BNC2: variants seen among roughly 807,000 people sequenced by gnomAD.
The protein encoded by BNC2 is basonuclin zinc finger protein 2.
Under a neutral mutation model 76.3 loss-of-function variants are expected in BNC2, and 20 were observed. The ratio of observed to expected loss-of-function variants is 0.26; its 90% CI spans 0.18 to 0.38. BNC2 has a LOEUF of 0.38. BNC2 is among the 10% of genes least tolerant of loss of function. The pLI is 1.00. For missense variants in BNC2, 1,382 were observed against 1,399.8 expected (o/e 0.99, Z 0.20); for synonymous variants, 582 against 514.8 (o/e 1.13, Z -1.77).
rs116130650 is a variant in BNC2, at chr9:16,464,528, G to A, written c.670-27004C>T. 3.6e-3 allele frequency among the ~76,000 whole-genome samples: 541 copies of A among 152,238 alleles called. 4 individuals carry two copies. The highest frequency in any genetic ancestry group is 0.012 in the African/African-American group (512 of 41,538). On this transcript the variant is annotated intron_variant, in intron 5 of 6. Transcript: ENST00000380672. ...TGAAGACAAAGAACAAAGACAGGGAGGGGCATCTCTTTGCAGACTGATAAG... is the reference window on the plus strand; with the variant it reads ...TGAAGACAAAGAACAAAGACAGGGAAGGGCATCTCTTTGCAGACTGATAAG...
At chr9:16,515,419 C>G (rs1822853709) in intron 5 of BNC2, among the ~76,000 whole-genome samples, 1 of 152,156 alleles carries the variant, frequency 6.6e-6, no homozygotes, top group African/African-American at 2.4e-5. Context: ...CTGGCATTAG[C>G]GGAGCTTGGC....
chr9:16,484,335 C>T lies in BNC2; in HGVS notation c.670-46811G>A, dbSNP rs111596472. On this transcript the variant is annotated intron_variant, in intron 5 of 6. Coordinates refer to ENST00000380672, the MANE Select transcript of BNC2 (RefSeq NM_017637.6). ...ATGTACAGCCAGAGAGTGCTCGAGG[C>T]GAAGATGCCACCCCAGCCTTACATC... 5.9e-5 allele frequency among the ~76,000 whole-genome samples: 9 copies of T among 152,240 alleles called. 2 individuals are homozygous for T. Among genetic ancestry groups the T allele is most frequent in the African/African-American group, 1.9e-4 (8 of 41,538 alleles).
At chr9:16,743,776 G>A (rs541935912) in intron 1 of BNC2, among the ~76,000 whole-genome samples, 26 of 152,300 alleles carry the variant, frequency 1.7e-4, no homozygotes, top group African/African-American at 6.3e-4. Flanking sequence ...AGATGGACTG[G>A]CTCCTTTTTT....
intron 5 of BNC2, among the ~76,000 whole-genome samples, chr9:16,472,281 G>C (rs73645983): frequency 0.023 from 3,558 of 152,270 alleles, 102 homozygotes; most frequent in African/African-American, 0.066. Context: ...CACTTCCTAG[G>C]AGAAAGAGGG....
At chr9:16,432,547 GAA>G (rs1820928135) in intron 6 of BNC2, among the ~76,000 whole-genome samples, 1 of 152,204 alleles carries the variant, frequency 6.6e-6, no homozygotes, top group Admixed American at 6.5e-5. Flanking sequence ...TTCGAATCAT[GAA>G]GAAGTCTGCT....
intron 1 of BNC2, among the ~76,000 whole-genome samples, chr9:16,817,794 C>CA (rs1563957013): frequency 6.6e-6 from 1 of 152,094 alleles, no homozygotes; most frequent in Non-Finnish European, 1.5e-5. Flanking sequence ...CAGTGTGTGC[C>CA]AGGCACTGCT....
intron 3 of BNC2, among the ~76,000 whole-genome samples, chr9:16,588,859 A>C (rs563588023): frequency 6.6e-6 from 1 of 152,322 alleles, no homozygotes; most frequent in African/African-American, 2.4e-5. Context: ...AGGAAAGCAC[A>C]AATTGTTGTT....
At chr9:16,853,526 T>A (rs1250396515) in intron 1 of BNC2, among the ~76,000 whole-genome samples, 1 of 152,124 alleles carries the variant, frequency 6.6e-6, no homozygotes, top group Non-Finnish European at 1.5e-5. Flanking sequence ...CTCCATTCTC[T>A]CCAACACCTC....
At chr9:16,728,866 A>G (rs527997771) in intron 2 of BNC2, among the ~76,000 whole-genome samples, 1 of 152,288 alleles carries the variant, frequency 6.6e-6, no homozygotes, top group African/African-American at 2.4e-5. Flanking sequence ...ATGGCAAAGG[A>G]AAAAAGTATA....
At chr9:16,614,567 T>C (rs941478058) in intron 3 of BNC2, among the ~76,000 whole-genome samples, 4 of 151,748 alleles carry the variant, frequency 2.6e-5, no homozygotes, top group Admixed American at 1.3e-4. Context: ...AAGGTTAGAG[T>C]TTCCAGGTAC....
At chr9:16,651,263 A>T (rs1821786586) in intron 3 of BNC2, among the ~76,000 whole-genome samples, 1 of 152,222 alleles carries the variant, frequency 6.6e-6, no homozygotes, top group South Asian at 2.1e-4. Flanking sequence ...CAAAATGAGA[A>T]TCTGTTTATT....
rs758399953 is a variant in BNC2, at chr9:16,727,982, C to T, written c.145G>A (p.Val49Met). The change falls in exon 3 of 7, where the codon GTG (valine) becomes ATG (methionine). Residue 49 changes from valine (V) to methionine (M), a missense_variant. This residue lies in a region of BNC2 where 557 missense variants were observed against 540.9 expected (regional missense o/e 1.03). Coordinates refer to ENST00000380672, the MANE Select transcript of BNC2 (RefSeq NM_017637.6). ...TGTGTCTCTCTTTCTCTCACATCCA[C>T]TTCTGCCTCTTCTGACTGAAAAGTG... ...TSQIESEEAE[V>M]DVRERETQRD... The T allele has an allele frequency of 6.2e-7, 1 of 1,613,746 alleles. No homozygotes were observed. The highest frequency in any genetic ancestry group is 8.5e-7 in the Non-Finnish European group (1 of 1,180,006).
intron 1 of BNC2, among the ~76,000 whole-genome samples, chr9:16,857,565 A>T (rs928532123): frequency 6.6e-6 from 1 of 152,114 alleles, no homozygotes; most frequent in African/African-American, 2.4e-5. Flanking sequence ...GGGAAAAAAA[A>T]AATTATCCTT....
chr9:16,612,815 A>C (rs972791442), intron 3 of BNC2, among the ~76,000 whole-genome samples: 4 of 152,184 alleles, frequency 2.6e-5, no homozygotes, highest in African/African-American at 9.6e-5. Flanking sequence ...GTGGTTTGGA[A>C]GATGGATAGG....
At chr9:16,854,099 A>G (rs1819196335) in intron 1 of BNC2, among the ~76,000 whole-genome samples, 1 of 152,100 alleles carries the variant, frequency 6.6e-6, no homozygotes, top group Non-Finnish European at 1.5e-5. Flanking sequence ...CCTAACATCA[A>G]GTGGATGTTT....
intron 1 of BNC2, among the ~76,000 whole-genome samples, chr9:16,793,648 C>CTTTTTTTTTT (rs71327860): frequency 7.2e-5 from 4 of 55,826 alleles, no homozygotes; most frequent in African/African-American, 1.7e-4. Context: ...CCTTCCACAT[C>CTTTTTTTTTT]TTTTTTTTTT....
intron 3 of BNC2, among the ~76,000 whole-genome samples, chr9:16,592,163 A>G (rs1004662676): frequency 6.6e-6 from 1 of 152,126 alleles, no homozygotes; most frequent in African/African-American, 2.4e-5. Context: ...CCAAAGAAAT[A>G]CATCATCTTC....
intron 5 of BNC2, among the ~76,000 whole-genome samples, chr9:16,523,796 G>T (rs1817703785): frequency 1.3e-5 from 2 of 151,904 alleles, no homozygotes; most frequent in African/African-American, 4.8e-5. Context: ...CATGGTGGCA[G>T]ACGCCTGTAA....
intron 4 of BNC2, among the ~76,000 whole-genome samples, chr9:16,558,815 G>C (rs1428069516): frequency 6.6e-6 from 1 of 151,508 alleles, no homozygotes; most frequent in African/African-American, 2.4e-5. Context: ...TGTAGTCCCA[G>C]CTACTCTACT....
Sources: allele counts gnomAD v4.1 joint callset (sites outside exome capture counted in the v4.1 genomes callset), GRCh38; gene constraint gnomAD v4.1.1; regional missense constraint gnomAD v4.1.1; transcripts MANE v1.5; gene names NCBI Gene and HGNC (gene_info 2026-07-23, HGNC 2026-07-21).